Variants in SHB observed in about 807,000 individuals in gnomAD.
SHB encodes SH2 domain containing adaptor protein B, also known as SH2 domain-containing adapter protein B.
Under a neutral mutation model 52.3 loss-of-function variants are expected in SHB, and 20 were observed. The observed-to-expected ratio is 0.38, with a 90% CI of 0.27 to 0.56. The LOEUF (loss-of-function observed/expected upper bound fraction) is 0.56. SHB is among the 20% of genes least tolerant of loss of function. SHB has a pLI of 0.71. For missense variants in SHB, 825 were observed against 723.3 expected (o/e 1.14, Z -1.61); for synonymous variants, 397 against 316.5 (o/e 1.25, Z -2.70).
chr9:37,936,154 T>G (rs1446642231), intron 5 of SHB, among the ~76,000 whole-genome samples: 1 of 152,060 alleles, frequency 6.6e-6, no homozygotes, highest in Non-Finnish European at 1.5e-5. Context: ...AGGCAGAGGT[T>G]GCAGTGAGCC....
At chr9:38,063,348 C>T (rs1821918615) in intron 1 of SHB, among the ~76,000 whole-genome samples, 1 of 152,250 alleles carries the variant, frequency 6.6e-6, no homozygotes, top group South Asian at 2.1e-4. Context: ...CGCAGCAAGG[C>T]ACATGGGACT....
chr9:38,054,158 A>G (rs995085820), intron 1 of SHB, among the ~76,000 whole-genome samples: 4 of 152,204 alleles, frequency 2.6e-5, no homozygotes, highest in Admixed American at 6.5e-5. Context: ...TTCCGACCCT[A>G]AAGCCAGTGA....
chr9:38,055,627 T>A (rs892085067), intron 1 of SHB, among the ~76,000 whole-genome samples: 1 of 152,194 alleles, frequency 6.6e-6, no homozygotes, highest in African/African-American at 2.4e-5. Context: ...TTTACCTGCC[T>A]GCCTATGCTG....
At chr9:37,961,357 G>C (rs1235623125) in intron 3 of SHB, among the ~76,000 whole-genome samples, 1 of 152,142 alleles carries the variant, frequency 6.6e-6, no homozygotes, top group Non-Finnish European at 1.5e-5. Flanking sequence ...CTTCAGGGTG[G>C]ATCTCTTTCC....
At chr9:37,951,206 T>C (rs1276216844) in intron 4 of SHB, among the ~76,000 whole-genome samples, 1 of 152,200 alleles carries the variant, frequency 6.6e-6, no homozygotes, top group Non-Finnish European at 1.5e-5. Flanking sequence ...GTCCAGGCAG[T>C]GGCCACCAAG....
intron 1 of SHB, among the ~76,000 whole-genome samples, chr9:38,056,430 C>T (rs956149419): frequency 6.6e-6 from 1 of 152,182 alleles, no homozygotes; most frequent in African/African-American, 2.4e-5. Flanking sequence ...CTCCTGGGTT[C>T]AAGCAATTCT....
chr9:37,929,424 A>G (rs1832288130), intron 5 of SHB, among the ~76,000 whole-genome samples: 1 of 152,242 alleles, frequency 6.6e-6, no homozygotes, highest in Non-Finnish European at 1.5e-5. Flanking sequence ...TACTGACGCC[A>G]GTGCAGGACT....
chr9:38,019,654 G>A (rs1821258826), intron 1 of SHB, among the ~76,000 whole-genome samples: 1 of 152,212 alleles, frequency 6.6e-6, no homozygotes, highest in Non-Finnish European at 1.5e-5. Flanking sequence ...GCACTTGGGT[G>A]GAGACACTTA....
intron 1 of SHB, among the ~76,000 whole-genome samples, chr9:38,048,997 C>T (rs1387072220): frequency 6.6e-6 from 1 of 152,190 alleles, no homozygotes; most frequent in Non-Finnish European, 1.5e-5. Context: ...ACCTTCTCAG[C>T]TCATCTCAAG....
chr9:37,953,181 C>T (rs971744346), intron 4 of SHB, among the ~76,000 whole-genome samples: 1 of 151,926 alleles, frequency 6.6e-6, no homozygotes, highest in Non-Finnish European at 1.5e-5. Context: ...CGTCTGGGGA[C>T]CGGGGCAGAA....
At chr9:37,935,072 A>T (rs928983081) in intron 5 of SHB, among the ~76,000 whole-genome samples, 5 of 152,184 alleles carry the variant, frequency 3.3e-5, no homozygotes, top group African/African-American at 1.2e-4. Flanking sequence ...AGGAAAATGT[A>T]TTTTCCTAGC....
At chr9:38,030,799 G>C (rs1040740979) in intron 1 of SHB, among the ~76,000 whole-genome samples, 1 of 152,160 alleles carries the variant, frequency 6.6e-6, no homozygotes, top group Non-Finnish European at 1.5e-5. Flanking sequence ...TGGGGAGCTT[G>C]AGGCCCAGAC....
chr9:37,952,930 G>T (rs1417375069), intron 4 of SHB, among the ~76,000 whole-genome samples: 2 of 152,042 alleles, frequency 1.3e-5, no homozygotes, highest in Non-Finnish European at 2.9e-5. Context: ...AGGAGCTCTG[G>T]GAGAGGTGTG....
In SHB at chr9:37,952,172, T is replaced by C. The variant is rs78117321; in HGVS notation, c.1227-3418A>G. On this transcript the variant is annotated intron_variant, in intron 4 of 5. Coordinates refer to ENST00000377707, the MANE Select transcript of SHB (RefSeq NM_003028.3). ...GTCAACAGAGAGATACAGGAAACAA[T>C]TCCAGATAGTGACAAGGGTTATGCA... 4.6e-5 allele frequency among the ~76,000 whole-genome samples: 7 copies of C among 152,268 alleles called. No homozygotes were observed. In the East Asian group the frequency reaches 1.4e-3, roughly 29 times the overall value.
At chr9:38,057,196 G>A (rs970224725) in intron 1 of SHB, among the ~76,000 whole-genome samples, 5 of 152,146 alleles carry the variant, frequency 3.3e-5, no homozygotes, top group Non-Finnish European at 1.5e-5. Flanking sequence ...AGAATACAAT[G>A]CAGCTATTAA....
intron 1 of SHB, among the ~76,000 whole-genome samples, 190 bp from the exon 2 acceptor site, chr9:38,016,321 C>T (rs1321228605): frequency 1.3e-5 from 2 of 152,236 alleles, no homozygotes; most frequent in Admixed American, 6.5e-5. Flanking sequence ...ACTGGCAGGG[C>T]TCCACTGCGA....
At chr9:37,965,635 G>C (rs1820502970) in intron 3 of SHB, among the ~76,000 whole-genome samples, 1 of 151,242 alleles carries the variant, frequency 6.6e-6, no homozygotes, top group Non-Finnish European at 1.5e-5. Context: ...GGAGTGAGTG[G>C]CACGATTTCG....
At chr9:38,015,237 A>G (rs1821195144) in intron 2 of SHB, 3 of 593,818 alleles carry the variant, frequency 5.1e-6, no homozygotes, top group Non-Finnish European at 6.0e-6. Flanking sequence ...AAGCCACAAC[A>G]GGGGTTTCCC....
chr9:38,004,276 T>G lies in SHB; in HGVS notation c.838+11735A>C, dbSNP rs78657643. On this transcript the variant is annotated intron_variant, in intron 2 of 5. Coordinates refer to ENST00000377707, the MANE Select transcript of SHB (RefSeq NM_003028.3). The stretch of plus-strand genomic sequence containing the variant: ...GCAGAAAACTGAATGCCAGCTGGCC[T>G]GGTTCTGCCTTGAGCCACAGGCACC... Among the ~76,000 whole-genome samples the G allele has an allele frequency of 8.8e-3, 1,344 of 152,262 alleles. 25 individuals carry two copies. Among genetic ancestry groups the G allele is most frequent in the African/African-American group, 0.03 (1,239 of 41,536 alleles).
Sources: gnomAD v4.1 joint callset for allele counts (sites outside exome capture counted in the v4.1 genomes callset) on GRCh38, gnomAD v4.1.1 for gene constraint, MANE v1.5 for transcripts, NCBI Gene and HGNC (gene_info 2026-07-23, HGNC 2026-07-21) for gene names.